CRELD2: variants seen among roughly 807,000 people sequenced by gnomAD.
The protein encoded by CRELD2 is CRELD disulfide isomerase 2.
Under a neutral mutation model 48.1 loss-of-function variants are expected in CRELD2, and 33 were observed. The ratio of observed to expected loss-of-function variants is 0.69; its 90% CI spans 0.52 to 0.92. The LOEUF is 0.92. Among genes scored for constraint, CRELD2 ranks in the 40% least tolerant of loss-of-function variants. The probability of loss-of-function intolerance (pLI) is 0.00; values close to 1 mark genes in which losing one functional copy is unlikely to be tolerated. For missense variants in CRELD2, 477 were observed against 482.4 expected (o/e 0.99, Z 0.10); for synonymous variants, 220 against 203.9 (o/e 1.08, Z -0.67).
chr22:49,919,170 G>T, intron 1 of CRELD2, 60 bp from the exon 2 acceptor site: 1 of 996,528 alleles, frequency 1.0e-6, no homozygotes, highest in Non-Finnish European at 1.4e-6. Flanking sequence ...ACCTGGGCTC[G>T]CCCCCACCCT....
At chr22:49,924,247 T>C (rs1049440444) in intron 7 of CRELD2, 113 bp from the exon 8 acceptor site, 2 of 655,440 alleles carry the variant, frequency 3.1e-6, no homozygotes, top group Admixed American at 2.4e-5. Context: ...CACTTGGTGA[T>C]GAATGAGGAG....
intron 4 of CRELD2, 138 bp from the exon 5 acceptor site, chr22:49,921,447 A>G: frequency 1.1e-6 from 1 of 905,852 alleles, no homozygotes; most frequent in South Asian, 1.8e-5. Context: ...GTTTCCCCAA[A>G]CACCCACTCC....
Position 49,927,348 on chromosome 22 carries a change from C to G in CRELD2, c.*41C>G. 1 of 1,575,426 alleles carries G rather than the reference C, an allele frequency of 6.3e-7. No homozygotes were observed. Among genetic ancestry groups the G allele is most frequent in the Non-Finnish European group, 8.7e-7 (1 of 1,146,218 alleles). On this transcript the variant is annotated 3_prime_UTR_variant, in exon 10 of 10. Coordinates refer to ENST00000328268, the MANE Select transcript of CRELD2 (RefSeq NM_024324.5). ...CTTTAAATTATTCAGAAGGATGTCC[C>G]GTGGAAAATGTGGCCCTGAGGATGC...
At position 49,918,653 on chromosome 22, in the gene CRELD2, C is replaced by CA. The variant is rs2060637818; in HGVS notation, c.-115dup. 3 of 369,956 alleles carry CA rather than the reference C, an allele frequency of 8.1e-6. No individual in the cohort carries two copies. In the East Asian group the frequency reaches 1.3e-4, roughly 16 times the overall value. The allele number at this position is 369,956 out of a possible 1,614,324, so 22.9% of individuals were successfully genotyped here. A position where few individuals can be genotyped will look rare whatever the true frequency, so the allele number is the denominator to read the frequency against. ...TGGGGCGGGGCCTCGCCGGCGCCGT[C>CA]AAGTAGCCTGGGGGACAGGCCGGCG... is the stretch of plus-strand genomic sequence containing the variant. On this transcript the variant is annotated 5_prime_UTR_variant, in exon 1 of 10. Transcript: ENST00000328268.
chr22:49,919,928 A>T, intron 3 of CRELD2, 88 bp downstream of exon 3: 1 of 1,066,952 alleles, frequency 9.4e-7, no homozygotes, highest in Non-Finnish European at 1.4e-6. Context: ...GTACAGGAAC[A>T]GTAGGGAGCT....
In CRELD2 at chr22:49,919,173, C is replaced by T. The variant is rs1435741144; in HGVS notation, c.130-57C>T. 5.2e-6 allele frequency: 8 copies of T among 1,552,972 alleles called. No homozygotes were observed. The East Asian group carries it at 1.6e-4, about 30-fold the overall frequency. The stretch of plus-strand genomic sequence containing the variant: ...CCCTCACCCTCGACCTGGGCTCGCC[C>T]CCACCCTGGACCCGGGTCAGGTGGT... On this transcript the variant is annotated intron_variant, in intron 1 of 9. Transcript: ENST00000328268.
At position 49,927,379 on chromosome 22, in the gene CRELD2, C is replaced by T; in HGVS notation, c.*72C>T. ...AAATGTGGCCCTGAGGATGCCGTCT[C>T]CTGCAGTGGACAGCGGCGGGGAGAG... On this transcript the variant is annotated 3_prime_UTR_variant, in exon 10 of 10. Coordinates refer to ENST00000328268, the MANE Select transcript of CRELD2 (RefSeq NM_024324.5). The T allele has an allele frequency of 7.7e-7, 1 of 1,300,510 alleles. No individual in the cohort carries two copies. The highest frequency in any genetic ancestry group is 1.1e-6 in the Non-Finnish European group (1 of 895,750). The allele number at this position is 1,300,510 out of a possible 1,614,324, so 80.6% of individuals were successfully genotyped here.
intron 9 of CRELD2, 200 bp downstream of exon 9, chr22:49,925,757 C>T: frequency 1.4e-6 from 2 of 1,399,722 alleles, no homozygotes; most frequent in East Asian, 2.7e-5. Flanking sequence ...GATGAAGCCC[C>T]AGGTTCACAG....
chr22:49,922,915 G>GTGGCTT (rs2060715244), intron 6 of CRELD2, among the ~76,000 whole-genome samples: 1 of 81,466 alleles, frequency 1.2e-5, no homozygotes, highest in Non-Finnish European at 2.4e-5. Flanking sequence ...CGTGAGGTGT[G>GTGGCTT]GGGGCGTGAG....
rs567192214 is a variant in CRELD2 at position 49,923,737 on chromosome 22, C to T, written c.772+420C>T. On this transcript the variant is annotated intron_variant, in intron 7 of 9. Transcript: ENST00000328268. ...TTTTACAACAATGTCTGTTGCTGGACGTTTACGTCATAACAGTTTTTCAAC... is the reference window on the plus strand; with the variant it reads ...TTTTACAACAATGTCTGTTGCTGGATGTTTACGTCATAACAGTTTTTCAAC... 15 of 317,404 alleles carry T rather than the reference C, an allele frequency of 4.7e-5. No individual in the cohort carries two copies. In the Middle Eastern group the frequency reaches 3.4e-3, roughly 71 times the overall value. The allele number at this position is 317,404 out of a possible 1,614,324, so 19.7% of individuals were successfully genotyped here. A position where few individuals can be genotyped will look rare whatever the true frequency, so the allele number is the denominator to read the frequency against.
chr22:49,923,346 G>C, intron 7 of CRELD2, 29 bp downstream of exon 7: 2 of 1,557,080 alleles, frequency 1.3e-6, no homozygotes, highest in Non-Finnish European at 1.8e-6. Flanking sequence ...TCTGCACTCC[G>C]GGGCCTGCCG....
chr22:49,921,315 T>C, intron 4 of CRELD2: 1 of 489,360 alleles, frequency 2.0e-6, no homozygotes, highest in Middle Eastern at 5.4e-4. Context: ...ACAGCTGTGC[T>C]ATGCAGGGTC....
chr22:49,924,396 G>A lies in CRELD2; in HGVS notation c.809G>A (p.Gly270Asp). Residue 270 changes from glycine to aspartate, a missense_variant, in exon 8 of 10, where the codon GGC becomes GAC. Gly to Asp is a moderately conservative substitution (Grantham distance 94). Transcript: ENST00000328268. ...DSSCVGCTGE[G>D]PGNCKECISG... The stretch of plus-strand genomic sequence containing the variant: ...AGCTGTGTGGGCTGCACAGGGGAAG[G>A]CCCAGGAAACTGTAAAGAGTGTATC... The A allele has an allele frequency of 6.2e-7, 1 of 1,612,644 alleles. No individual in the cohort carries two copies. The highest frequency in any genetic ancestry group is 8.5e-7 in the Non-Finnish European group (1 of 1,179,510).
chr22:49,924,358 A>G lies in CRELD2; in HGVS notation c.773-2A>G, dbSNP rs770420064. On this transcript the variant is annotated splice_acceptor_variant, in intron 7 of 9. Coordinates refer to ENST00000328268, the MANE Select transcript of CRELD2 (RefSeq NM_024324.5). LOFTEE classifies it high-confidence loss of function. The stretch of plus-strand genomic sequence containing the variant: ...GGGTCTGACGCTGGCTCCCTGTTGC[A>G]GAGTGTGACTCCAGCTGTGTGGGCT... The G allele has an allele frequency of 1.2e-6, 2 of 1,609,454 alleles. No individual in the cohort carries two copies. Among genetic ancestry groups the G allele is most frequent in the South Asian group, 1.1e-5 (1 of 90,370 alleles).
At chr22:49,920,054 T>C (rs557927950) in intron 3 of CRELD2, 102 bp from the exon 4 acceptor site, 55 of 843,030 alleles carry the variant, frequency 6.5e-5, no homozygotes, top group Non-Finnish European at 9.8e-5. Flanking sequence ...TCTTGTTTCC[T>C]GGACCTTACA....
Position 49,923,252 on chromosome 22 carries a change from C to T in CRELD2, c.707C>T (p.Ala236Val), listed in dbSNP as rs763706817. 1.9e-6 allele frequency: 3 copies of T among 1,588,798 alleles called. No homozygotes were observed. The Admixed American group carries it at 5.2e-5, about 27-fold the overall frequency. The change falls in exon 7 of 10, where the codon GCC (alanine) becomes GTC (valine). Residue 236 changes from alanine (A) to valine (V), a missense_variant. By Grantham distance (64) the Ala-to-Val change is moderately conservative. Transcript: ENST00000328268. ...GACVDVDECA[A>V]EPPPCSAAQF... ...GTTCCAGATGTGGACGAGTGTGCGG[C>T]CGAGCCGCCTCCCTGCAGCGCTGCG...
intron 7 of CRELD2, chr22:49,923,766 T>A: frequency 3.3e-6 from 1 of 298,924 alleles, no homozygotes; most frequent in South Asian, 3.1e-5. Context: ...TTTCAACTTA[T>A]AAACTGTGAA....
At chr22:49,920,292 C>G in intron 4 of CRELD2, 45 bp downstream of exon 4, 1 of 1,301,242 alleles carries the variant, frequency 7.7e-7, no homozygotes, top group Non-Finnish European at 1.1e-6. Flanking sequence ...GTCACTTCCC[C>G]TCTTCTTCTC....
At position 49,923,336 on chromosome 22, in the gene CRELD2, T is replaced by TGCACTCCGGGGC; in HGVS notation, c.772+19_772+20insGCACTCCGGGGC. The TGCACTCCGGGGC allele has an allele frequency of 6.4e-7, 1 of 1,564,986 alleles. No individual in the cohort carries two copies. Among genetic ancestry groups the TGCACTCCGGGGC allele is most frequent in the Non-Finnish European group, 8.8e-7 (1 of 1,140,140 alleles). ...TGCGAAGGTGGGCCAGGCGGGCGGG[T>TGCACTCCGGGGC]CTGCACTCCGGGGCCTGCCGGGTTT... On this transcript the variant is annotated intron_variant, in intron 7 of 9. Coordinates refer to ENST00000328268, the MANE Select transcript of CRELD2 (RefSeq NM_024324.5).
Sources: allele counts gnomAD v4.1 joint callset (sites outside exome capture counted in the v4.1 genomes callset), GRCh38; gene constraint gnomAD v4.1.1; transcripts MANE v1.5; gene names NCBI Gene and HGNC (gene_info 2026-07-23, HGNC 2026-07-21).